ACO1: variants seen among roughly 807,000 people sequenced by gnomAD.
ACO1 encodes the protein cytoplasmic aconitate hydratase.
ACO1 carries 78 observed loss-of-function variants against 105.1 expected under a neutral mutation model. The observed-to-expected ratio is 0.74, with a 90% CI of 0.62 to 0.90. The LOEUF is 0.90. Among genes scored for constraint, ACO1 ranks in the 40% least tolerant of loss-of-function variants. The pLI, the probability that ACO1 is intolerant of heterozygous loss-of-function variation, is 0.00. For synonymous variants in ACO1, 364 were observed against 397.4 expected, an observed-to-expected ratio of 0.92 and a Z score of 1.00; for missense variants, 965 against 1,111.1, an observed-to-expected ratio of 0.87 and a Z score of 1.87.
rs1822044678 is a variant in ACO1 at position 32,424,543 on chromosome 9, C to G, written c.1072-6C>G. On this transcript the variant is annotated splice_polypyrimidine_tract_variant and splice_region_variant and intron_variant, in intron 9 of 20. Coordinates refer to ENST00000309951, the MANE Select transcript of ACO1 (RefSeq NM_002197.3). Reference sequence around the variant, plus strand: ...TTCTATAATTTCTTTTCTTTGGGGTCAACAGGTTGTGGAATTAGATTTGAA... The same window carrying G: ...TTCTATAATTTCTTTTCTTTGGGGTGAACAGGTTGTGGAATTAGATTTGAA... 1 of 1,593,900 alleles carries G rather than the reference C, an allele frequency of 6.3e-7. No homozygotes were observed. Among genetic ancestry groups the G allele is most frequent in the Non-Finnish European group, 8.6e-7 (1 of 1,164,104 alleles).
At chr9:32,392,378 A>G (rs1285514827) in intron 1 of ACO1, among the ~76,000 whole-genome samples, 1 of 152,080 alleles carries the variant, frequency 6.6e-6, no homozygotes, top group African/African-American at 2.4e-5. Context: ...CCTTGTCACA[A>G]AGTTGCCAAG....
intron 1 of ACO1, among the ~76,000 whole-genome samples, chr9:32,395,638 A>C (rs1284664164): frequency 1.3e-5 from 2 of 152,206 alleles, no homozygotes; most frequent in Non-Finnish European, 2.9e-5. Flanking sequence ...GGAGAGGATG[A>C]GGTCAGGCTC....
chr9:32,418,629 G>A (rs1821904274), intron 6 of ACO1, 118 bp downstream of exon 6: 5 of 1,171,458 alleles, frequency 4.3e-6, no homozygotes, highest in Non-Finnish European at 6.0e-6. Context: ...ATGTTTGTCA[G>A]TTTTGTCACT....
chr9:32,411,322 C>G (rs1399025903), intron 4 of ACO1, among the ~76,000 whole-genome samples: 1 of 152,068 alleles, frequency 6.6e-6, no homozygotes, highest in African/African-American at 2.4e-5. Flanking sequence ...ATATACAGTG[C>G]TGGAAATTGA....
At chr9:32,418,696 T>G (rs1303242272) in intron 6 of ACO1, among the ~76,000 whole-genome samples, 185 bp downstream of exon 6, 1 of 152,194 alleles carries the variant, frequency 6.6e-6, no homozygotes, top group Non-Finnish European at 1.5e-5. Flanking sequence ...TCAATAATTA[T>G]GCTTGGAAGA....
intron 1 of ACO1, among the ~76,000 whole-genome samples, chr9:32,394,628 C>T (rs1821334288): frequency 6.6e-6 from 1 of 152,230 alleles, no homozygotes; most frequent in Admixed American, 6.5e-5. Flanking sequence ...GCTCTGGAGT[C>T]TGATGGACTT....
At position 32,450,297 on chromosome 9, in the gene ACO1, T is replaced by A; in HGVS notation, c.*186T>A. On this transcript the variant is annotated 3_prime_UTR_variant, in exon 21 of 21. Transcript: ENST00000309951. ...CAGAAGTTTCTACATTCTCTATTTT[T>A]GTTAATCATCTTCTCTTTTTCCAGA... The A allele has an allele frequency of 4.3e-6, 3 of 691,780 alleles. No individual in the cohort carries two copies. Among genetic ancestry groups the A allele is most frequent in the Non-Finnish European group, 8.0e-6 (3 of 373,504 alleles). The allele number at this position is 691,780 out of a possible 1,614,324, so 42.9% of individuals were successfully genotyped here.
At chr9:32,417,652 A>G (rs1587532809) in intron 4 of ACO1, among the ~76,000 whole-genome samples, 1 of 152,228 alleles carries the variant, frequency 6.6e-6, no homozygotes, top group Non-Finnish European at 1.5e-5. Context: ...TTGTGATTCT[A>G]TAAGGTACTG....
chr9:32,399,275 G>A (rs1322532975), intron 1 of ACO1, among the ~76,000 whole-genome samples: 1 of 152,200 alleles, frequency 6.6e-6, no homozygotes, highest in Non-Finnish European at 1.5e-5. Context: ...GTGTTACTCA[G>A]TTTGACCTGT....
rs35264413 is a variant in ACO1, at chr9:32,452,064, C to CAAAAAAAA, written c.*1961_*1968dup. ...GGGCTACAAGAGCAAAGCTCCGTCT[C>CAAAAAAAA]AAAAAAAAAAAAAAATTACAAACAA... is the stretch of plus-strand genomic sequence containing the variant. On this transcript the variant is annotated 3_prime_UTR_variant, in exon 21 of 21. Coordinates refer to ENST00000309951, the MANE Select transcript of ACO1 (RefSeq NM_002197.3). 1,306 of 137,148 alleles carry CAAAAAAAA rather than the reference C, an allele frequency of 9.5e-3. 28 individuals are homozygous for CAAAAAAAA. The highest frequency in any genetic ancestry group is 0.035 in the African/African-American group (1,259 of 35,524). The allele number at this position is 137,148 out of a possible 1,614,324, so 8.5% of individuals were successfully genotyped here.
intron 15 of ACO1, among the ~76,000 whole-genome samples, chr9:32,433,149 G>A (rs988183559): frequency 1.3e-5 from 2 of 152,146 alleles, no homozygotes; most frequent in African/African-American, 4.8e-5. Flanking sequence ...ACACTCAACA[G>A]GAGGGGGTCA....
chr9:32,427,339 G>C lies in ACO1; in HGVS notation c.1387G>C (p.Val463Leu). The C allele has an allele frequency of 2.5e-6, 4 of 1,614,220 alleles. No homozygotes were observed. The highest frequency in any genetic ancestry group is 3.4e-6 in the Non-Finnish European group (4 of 1,180,040). The change falls in exon 12 of 21, where the codon GTG becomes CTG. Residue 463 changes from valine (V) to leucine (L), a missense_variant. Coordinates refer to ENST00000309951, the MANE Select transcript of ACO1 (RefSeq NM_002197.3). ...GAAAGCTGTGGATGCTGGCCTGAAC[G>C]TGATGCCTTACATCAAAACTAGCCT... ...AKKAVDAGLNVMPYIKTSLSP... is the reference protein window; with the variant it reads ...AKKAVDAGLNLMPYIKTSLSP...
At chr9:32,386,396 C>T (rs1821157346) in intron 1 of ACO1, 1 of 152,134 alleles carries the variant, frequency 6.6e-6, no homozygotes, top group African/African-American at 2.4e-5. Flanking sequence ...GTGGTGCTTC[C>T]TCAGCCCCTG....
At chr9:32,384,988 C>T (rs1309211502) in intron 1 of ACO1, among the ~76,000 whole-genome samples, 2 of 152,268 alleles carry the variant, frequency 1.3e-5, no homozygotes, top group African/African-American at 4.8e-5. Context: ...CTAGACCCTT[C>T]TTAGCCTTGG....
intron 1 of ACO1, among the ~76,000 whole-genome samples, chr9:32,393,248 T>G (rs915005515): frequency 6.6e-6 from 1 of 152,092 alleles, no homozygotes; most frequent in African/African-American, 2.4e-5. Flanking sequence ...GCAAGGAACA[T>G]CCCTGAGAAA....
At chr9:32,436,176 C>T (rs777266480) in intron 17 of ACO1, 74 bp from the exon 18 acceptor site, 1 of 1,587,864 alleles carries the variant, frequency 6.3e-7, no homozygotes. Context: ...TTGTTTTTTT[C>T]TTTTCTTGGT....
intron 19 of ACO1, among the ~76,000 whole-genome samples, chr9:32,448,381 G>C (rs1462536719): frequency 6.6e-6 from 1 of 152,216 alleles, no homozygotes; most frequent in Non-Finnish European, 1.5e-5. Flanking sequence ...TGCCCACCAA[G>C]CTCGAGCATC....
chr9:32,450,214 C>A lies in ACO1; in HGVS notation c.*103C>A. 1.1e-6 allele frequency: 1 copy of A among 885,186 alleles called. No individual in the cohort carries two copies. Among genetic ancestry groups the A allele is most frequent in the Non-Finnish European group, 1.9e-6 (1 of 519,694 alleles). The allele number at this position is 885,186 out of a possible 1,614,324, so 54.8% of individuals were successfully genotyped here. A position where few individuals can be genotyped will look rare whatever the true frequency, so the allele number is the denominator to read the frequency against. On this transcript the variant is annotated 3_prime_UTR_variant, in exon 21 of 21. Transcript: ENST00000309951. Reference sequence around the variant, plus strand: ...TGGCTGCCTCTGGGAGGGGTGCTGCCTTGTAGATGGAGCAAGTGAGCACTG... The same window carrying A: ...TGGCTGCCTCTGGGAGGGGTGCTGCATTGTAGATGGAGCAAGTGAGCACTG...
chr9:32,427,546 C>T (rs1822128448), intron 12 of ACO1, 110 bp downstream of exon 12: 2 of 1,448,176 alleles, frequency 1.4e-6, no homozygotes, highest in African/African-American at 2.8e-5. Flanking sequence ...TATCTAATTG[C>T]ATAGTCGTTT....
Sources: allele counts gnomAD v4.1 joint callset (sites outside exome capture counted in the v4.1 genomes callset), GRCh38; gene constraint gnomAD v4.1.1; transcripts MANE v1.5; gene names NCBI Gene and HGNC (gene_info 2026-07-23, HGNC 2026-07-21).